Variants in RASIP1 observed in about 807,000 individuals in gnomAD.
RASIP1 encodes Ras interacting protein 1.
Under a neutral mutation model 85.3 loss-of-function variants are expected in RASIP1, and 20 were observed. That is an observed-to-expected ratio of 0.23 (90% CI 0.17 to 0.34). The LOEUF (loss-of-function observed/expected upper bound fraction) is 0.34. RASIP1 is among the 10% of genes least tolerant of loss of function. The probability of loss-of-function intolerance (pLI) is 1.00; values close to 1 mark genes in which losing one functional copy is unlikely to be tolerated. For missense variants in RASIP1, 1,170 were observed against 1,390.9 expected (o/e 0.84, Z 2.53); for synonymous variants, 617 against 647.1 (o/e 0.95, Z 0.71).
At chr19:48,729,676 C>CTATT in intron 4 of RASIP1, 86 bp from the exon 5 acceptor site, 2 of 1,022,178 alleles carry the variant, frequency 2.0e-6, no homozygotes, top group Non-Finnish European at 2.8e-6. Context: ...AACAACTTTT[C>CTATT]TATTCCCACC....
intron 4 of RASIP1, among the ~76,000 whole-genome samples, chr19:48,730,384 G>T (rs926561137): frequency 1.3e-5 from 2 of 151,896 alleles, no homozygotes; most frequent in Non-Finnish European, 2.9e-5. Context: ...GGATGGTCTC[G>T]ATCTCTTGAC....
At chr19:48,722,707 G>T (rs796857381) in intron 10 of RASIP1, among the ~76,000 whole-genome samples, 3 of 152,252 alleles carry the variant, frequency 2.0e-5, no homozygotes, top group African/African-American at 7.2e-5. Flanking sequence ...TAGACTGCCT[G>T]AGTTCAAAAA....
chr19:48,729,369 C>A lies in RASIP1; in HGVS notation c.1401G>T (p.Arg467=). The A allele has an allele frequency of 6.4e-7, 1 of 1,557,814 alleles. No homozygotes were observed. Among genetic ancestry groups the A allele is most frequent in the East Asian group, 2.4e-5 (1 of 41,788 alleles). The stretch of plus-strand genomic sequence containing the variant: ...GGTCGCCCGGGTGCAGCTCAGCCTC[C>A]CGCAGCAGGAGGCACCCGTTGTGCG... ...PVTHNGCLLL[R]EAELHPGDLL... The change falls in exon 5 of 12, where the codon CGG becomes CGT. Residue 467 remains arginine (R), a synonymous_variant. Coordinates refer to ENST00000222145, the MANE Select transcript of RASIP1 (RefSeq NM_017805.3).
chr19:48,737,694 A>G (rs1280325875), intron 3 of RASIP1: 5 of 984,934 alleles, frequency 5.1e-6, no homozygotes, highest in Non-Finnish European at 6.0e-6. Context: ...AGCCACCTCA[A>G]CCTACTTGGC....
Position 48,729,022 on chromosome 19 carries a change from A to G in RASIP1, c.1748T>C (p.Val583Ala). 7.0e-7 allele frequency: 1 copy of G among 1,437,614 alleles called. No homozygotes were observed. The highest frequency in any genetic ancestry group is 9.1e-7 in the Non-Finnish European group (1 of 1,104,434). 89.1% of individuals were successfully genotyped at this position (1,437,614 alleles called of 1,614,324 possible). ...CTCCAGCTCACGGGCGGAATGCTGC[A>G]CGCACAGCGCCAGCAGCGTGGCGGG... ...LGPATLLALC[V>A]QHSARELELG... The change falls in exon 5 of 12, where the codon GTG becomes GCG. Residue 583 changes from valine (V) to alanine (A), a missense_variant. By Grantham distance (64) the Val-to-Ala change is moderately conservative (BLOSUM62 0). Transcript: ENST00000222145.
At chr19:48,730,313 G>T (rs576319068) in intron 4 of RASIP1, among the ~76,000 whole-genome samples, 2 of 151,828 alleles carry the variant, frequency 1.3e-5, no homozygotes, top group East Asian at 3.9e-4. Flanking sequence ...CTACAGGCGC[G>T]CACCATCACG....
chr19:48,731,197 C>A (rs2033451429), intron 4 of RASIP1, among the ~76,000 whole-genome samples: 2 of 152,176 alleles, frequency 1.3e-5, no homozygotes, highest in African/African-American at 4.8e-5. Context: ...TCGCTTGAAC[C>A]TGGGAGGTGG....
In RASIP1 at chr19:48,739,513, G is replaced by A; in HGVS notation, c.270C>T (p.Ser90=). 6.6e-7 allele frequency: 1 copy of A among 1,517,064 alleles called. No homozygotes were observed. The allele number at this position is 1,517,064 out of a possible 1,614,324, so 94.0% of individuals were successfully genotyped here. A position where few individuals can be genotyped will look rare whatever the true frequency, so the allele number is the denominator to read the frequency against. ...GASGSRAKRI[S]QLFRGSGTGT... ...CGGTCCCCGAGCCCCGGAAGAGCTG[G>A]GAGATGCGCTTGGCGCGGCTACCGG... Residue 90 remains serine (S), a synonymous_variant, in exon 3 of 12, where the codon TCC becomes TCT. Transcript: ENST00000222145. The surrounding 1 kb of genome is among the most constrained non-coding windows in gnomAD (Gnocchi z 9.2).
chr19:48,740,595 C>T lies in RASIP1; in HGVS notation c.-79G>A. ...TCAGTTCCACTGCTCTTGCCTCTGC[C>T]ACGGCTCCCAGCACTGGGTGGGGGA... On this transcript the variant is annotated 5_prime_UTR_variant, in exon 1 of 12. Coordinates refer to ENST00000222145, the MANE Select transcript of RASIP1 (RefSeq NM_017805.3). The surrounding 1 kb of genome is among the most constrained non-coding windows in gnomAD (Gnocchi z 5.5). 13 of 1,385,110 alleles carry T rather than the reference C, an allele frequency of 9.4e-6. No homozygotes were observed. Among genetic ancestry groups the T allele is most frequent in the Non-Finnish European group, 1.1e-5 (12 of 1,072,134 alleles). 85.8% of individuals were successfully genotyped at this position (1,385,110 alleles called of 1,614,324 possible).
Position 48,720,951 on chromosome 19 carries a change from G to T in RASIP1, c.2739C>A (p.Pro913=), listed in dbSNP as rs139364919. 1.1e-5 allele frequency: 17 copies of T among 1,612,818 alleles called. No homozygotes were observed. Among genetic ancestry groups the T allele is most frequent in the East Asian group, 4.5e-5 (2 of 44,862 alleles). The change falls in exon 12 of 12, where the codon CCC becomes CCA. Residue 913 remains proline (P), a synonymous_variant. Transcript: ENST00000222145. The part of the protein sequence containing the change: ...SFSSHPPLIL[P]LGSSRLRLTG... ...TGAGGCGCAGGCGCGAGCTCCCCAGGGGGAGGATGAGGGGCGGGTGCGAGG... is the reference window on the plus strand; with the variant it reads ...TGAGGCGCAGGCGCGAGCTCCCCAGTGGGAGGATGAGGGGCGGGTGCGAGG...
chr19:48,723,975 T>C (rs1000274117), intron 10 of RASIP1, among the ~76,000 whole-genome samples: 8 of 152,110 alleles, frequency 5.3e-5, no homozygotes, highest in African/African-American at 1.7e-4. Context: ...GCCTGGCTAA[T>C]TTTTGTATTT....
Position 48,720,893 on chromosome 19 carries a change from C to T in RASIP1, c.2797G>A (p.Glu933Lys), listed in dbSNP as rs2033217348. 1.2e-6 allele frequency: 2 copies of T among 1,614,012 alleles called. No individual in the cohort carries two copies. The highest frequency in any genetic ancestry group is 8.5e-7 in the Non-Finnish European group (1 of 1,180,006). The change falls in exon 12 of 12, where the codon GAA becomes AAA. Residue 933 changes from glutamate (E) to lysine (K), a missense_variant. Transcript: ENST00000222145. ...GPVTDDALHRELRRLRRLLWD... is the reference protein window; with the variant it reads ...GPVTDDALHRKLRRLRRLLWD... ...AGGAGGCGGCGGAGCCTACGGAGTT[C>T]ACGGTGCAAGGCATCGTCCGTCACT...
rs2033347326 is a variant in RASIP1 at position 48,726,616 on chromosome 19, A to C, written c.2127+169T>G. Reference sequence around the variant, plus strand: ...GTCAGAACAGCAAAGTCCTTGGGTGAGATGGGATGTCATGTCAGAGAAAAG... The same window carrying C: ...GTCAGAACAGCAAAGTCCTTGGGTGCGATGGGATGTCATGTCAGAGAAAAG... On this transcript the variant is annotated intron_variant, in intron 8 of 11. Coordinates refer to ENST00000222145, the MANE Select transcript of RASIP1 (RefSeq NM_017805.3). Among the ~76,000 whole-genome samples the C allele has an allele frequency of 2.0e-5, 3 of 152,238 alleles. No homozygotes were observed. In the South Asian group the frequency reaches 6.2e-4, roughly 31 times the overall value.
Position 48,739,633 on chromosome 19 carries a change from C to G in RASIP1, c.150G>C (p.Ser50=), listed in dbSNP as rs989389855. 2.8e-6 allele frequency: 4 copies of G among 1,425,828 alleles called. No individual in the cohort carries two copies. Among genetic ancestry groups the G allele is most frequent in the Non-Finnish European group, 2.8e-6 (3 of 1,088,470 alleles). 88.3% of individuals were successfully genotyped at this position (1,425,828 alleles called of 1,614,324 possible). A position where few individuals can be genotyped will look rare whatever the true frequency, so the allele number is the denominator to read the frequency against. ...GCTCGCTGCTGCGGCTCCCCGTGTC[C>G]GACGAAGAAGACCTGGGAGTCCGCC... ...PSAASVKSSS[S]DTGSRSSEPL... is the part of the protein sequence containing the mutation. The change falls in exon 3 of 12, where the codon TCG becomes TCC. Residue 50 remains serine, a synonymous_variant. Coordinates refer to ENST00000222145, the MANE Select transcript of RASIP1 (RefSeq NM_017805.3). The surrounding 1 kb of genome is among the most constrained non-coding windows in gnomAD (Gnocchi z 9.2).
At chr19:48,735,593 C>A in intron 3 of RASIP1, 42 bp from the exon 4 acceptor site, 1 of 1,466,962 alleles carries the variant, frequency 6.8e-7, no homozygotes, top group South Asian at 1.3e-5. Context: ...CCTGGAAAGA[C>A]AGGGATAGAC....
chr19:48,728,466 T>G (rs1372499734), intron 5 of RASIP1, among the ~76,000 whole-genome samples: 3 of 152,100 alleles, frequency 2.0e-5, no homozygotes, highest in Admixed American at 2.0e-4. Context: ...GGGGGCCCCT[T>G]GCTTAATAAC....
At chr19:48,727,203 C>T (rs757650958) in intron 6 of RASIP1, 45 bp from the exon 7 acceptor site, 4 of 1,608,326 alleles carry the variant, frequency 2.5e-6, no homozygotes. Context: ...CAACCCTCAT[C>T]ATAGTTTACA....
chr19:48,723,605 T>G (rs1415234468), intron 10 of RASIP1, among the ~76,000 whole-genome samples: 1 of 150,712 alleles, frequency 6.6e-6, no homozygotes, highest in Non-Finnish European at 1.5e-5. Flanking sequence ...TCAAGCGACC[T>G]GTCCTACCTG....
Position 48,729,150 on chromosome 19 carries a change from G to A in RASIP1, c.1620C>T (p.Gly540=), listed in dbSNP as rs1342974356. 1 of 1,325,618 alleles carries A rather than the reference G, an allele frequency of 7.5e-7. No individual in the cohort carries two copies. 82.1% of individuals were successfully genotyped at this position (1,325,618 alleles called of 1,614,324 possible). A position where few individuals can be genotyped will look rare whatever the true frequency, so the allele number is the denominator to read the frequency against. ...GCCGGAAGCGCAGGACTGGCTCACG[G>A]CCGTCCAGGTAGGCGGCCAGTGCCT... ...RGEALAAYLD[G]REPVLRFRPR... is the part of the protein sequence containing the mutation. Residue 540 remains glycine (G), a synonymous_variant, in exon 5 of 12, where the codon GGC becomes GGT. Transcript: ENST00000222145.
Sources: allele counts gnomAD v4.1 joint callset (sites outside exome capture counted in the v4.1 genomes callset), GRCh38; gene constraint gnomAD v4.1.1; non-coding constraint Gnocchi (gnomAD v3.1); transcripts MANE v1.5; gene names NCBI Gene and HGNC (gene_info 2026-07-23, HGNC 2026-07-21).